SOX5: variants seen among roughly 807,000 people sequenced by gnomAD.
The protein encoded by SOX5 is transcription factor SOX-5.
Under a neutral mutation model 92.0 loss-of-function variants are expected in SOX5, and 9 were observed. The observed-to-expected ratio is 0.10, with a 90% confidence interval of 0.06 to 0.17. SOX5 has a LOEUF of 0.17. Among genes scored for constraint, SOX5 ranks in the 10% least tolerant of loss-of-function variants. SOX5 has a pLI of 1.00. For synonymous variants in SOX5, 344 were observed against 336.3 expected, an observed-to-expected ratio of 1.02 and a Z score of -0.25; for missense variants, 642 against 944.5, an observed-to-expected ratio of 0.68 and a Z score of 4.20.
At chr12:24,256,354 T>C (rs774442888) in intron 3 of SOX5, among the ~76,000 whole-genome samples, 3 of 152,278 alleles carry the variant, frequency 2.0e-5, no homozygotes, top group Non-Finnish European at 4.4e-5. Flanking sequence ...AAAAATTCTT[T>C]CTCTAATTTT....
At chr12:24,305,614 T>C (rs998583098) in intron 2 of SOX5, among the ~76,000 whole-genome samples, 2 of 152,216 alleles carry the variant, frequency 1.3e-5, no homozygotes, top group Admixed American at 1.3e-4. Context: ...TGGTTTTTTT[T>C]GGAGACAGAG....
At chr12:24,345,728 T>A (rs892256426) in intron 2 of SOX5, among the ~76,000 whole-genome samples, 1 of 152,214 alleles carries the variant, frequency 6.6e-6, no homozygotes, top group African/African-American at 2.4e-5. Flanking sequence ...AAATACTATT[T>A]TCTTCCATGT....
intron 4 of SOX5, among the ~76,000 whole-genome samples, chr12:23,968,382 A>G (rs913069502): frequency 6.6e-6 from 1 of 152,180 alleles, no homozygotes; most frequent in African/African-American, 2.4e-5. Flanking sequence ...ATGTCCCCCA[A>G]AGTTCACATG....
At chr12:24,063,203 A>T (rs1940065947) in intron 4 of SOX5, among the ~76,000 whole-genome samples, 2 of 152,178 alleles carry the variant, frequency 1.3e-5, no homozygotes, top group Admixed American at 6.5e-5. Context: ...ATAGACCCTT[A>T]TTCACATCTC....
At chr12:23,550,923 C>T (rs1944078746) in intron 11 of SOX5, among the ~76,000 whole-genome samples, 1 of 151,938 alleles carries the variant, frequency 6.6e-6, no homozygotes, top group Admixed American at 6.6e-5. Flanking sequence ...TTACCTAATC[C>T]TAAATTAAAC....
chr12:23,989,030 G>C (rs1407467246), intron 4 of SOX5, among the ~76,000 whole-genome samples: 1 of 152,054 alleles, frequency 6.6e-6, no homozygotes, highest in Non-Finnish European at 1.5e-5. Flanking sequence ...TGTTATTTCA[G>C]ATGTAGAATA....
intron 3 of SOX5, among the ~76,000 whole-genome samples, chr12:23,835,029 A>G (rs2096389683): frequency 6.6e-6 from 1 of 151,844 alleles, no homozygotes. Context: ...AATTAGCCTA[A>G]AGTTTGAATG....
intron 3 of SOX5, among the ~76,000 whole-genome samples, chr12:24,268,329 G>A (rs1943274499): frequency 6.6e-6 from 1 of 152,082 alleles, no homozygotes; most frequent in African/African-American, 2.4e-5. Flanking sequence ...TAAGGGTATG[G>A]TAGCATTAGA....
chr12:24,543,376 A>G (rs1036955625), intron 1 of SOX5, among the ~76,000 whole-genome samples: 1 of 152,262 alleles, frequency 6.6e-6, no homozygotes, highest in African/African-American at 2.4e-5. Context: ...AACGCTGTTT[A>G]TTTTAAATTA....
chr12:24,043,641 A>G (rs1177329828), intron 4 of SOX5, among the ~76,000 whole-genome samples: 2 of 152,198 alleles, frequency 1.3e-5, no homozygotes, highest in Admixed American at 1.3e-4. Flanking sequence ...TTAGTATCCT[A>G]ACAAGACACA....
intron 2 of SOX5, among the ~76,000 whole-genome samples, chr12:23,891,770 A>G (rs920589228): frequency 6.6e-6 from 1 of 152,210 alleles, no homozygotes; most frequent in Non-Finnish European, 1.5e-5. Flanking sequence ...AAAAAGAGAA[A>G]TTATTTATAT....
At position 23,663,397 on chromosome 12, in the gene SOX5, G is replaced by T. The variant is rs76208039; in HGVS notation, c.931+2047C>A. Among the ~76,000 whole-genome samples the T allele has an allele frequency of 5.5e-3, 833 of 152,210 alleles. 3 individuals carry two copies. The highest frequency in any genetic ancestry group is 0.019 in the African/African-American group (788 of 41,528). ...GTTACATTAACACTCAACAAATTTAGTATGCCAACTCTGTCAAATGAGAGT... is the reference window on the plus strand; with the variant it reads ...GTTACATTAACACTCAACAAATTTATTATGCCAACTCTGTCAAATGAGAGT... On this transcript the variant is annotated intron_variant, in intron 7 of 14. Transcript: ENST00000451604.
chr12:24,388,526 T>C (rs1177332308), intron 1 of SOX5, among the ~76,000 whole-genome samples: 1 of 152,082 alleles, frequency 6.6e-6, no homozygotes, highest in African/African-American at 2.4e-5. Context: ...GGCCCAGGGG[T>C]GGTGACAACA....
intron 3 of SOX5, among the ~76,000 whole-genome samples, chr12:24,250,616 C>A (rs1939831102): frequency 6.6e-6 from 1 of 152,144 alleles, no homozygotes. Context: ...TCAAAAAGCT[C>A]AACAAAGAAT....
In SOX5 at chr12:23,548,292, C is replaced by T. The variant is rs190807686; in HGVS notation, c.1489-1868G>A. 1.3e-3 allele frequency among the ~76,000 whole-genome samples: 194 copies of T among 152,182 alleles called. 3 individuals carry two copies. The highest frequency in any genetic ancestry group is 6.8e-3 in the Middle Eastern group (2 of 294). On this transcript the variant is annotated intron_variant, in intron 11 of 14. Coordinates refer to ENST00000451604, the MANE Select transcript of SOX5 (RefSeq NM_006940.6). ...TGAGTTCAGCTCTACAGATGCTGTGCTGTCTTACCAAGAGACTAAAATTAA... is the reference window on the plus strand; with the variant it reads ...TGAGTTCAGCTCTACAGATGCTGTGTTGTCTTACCAAGAGACTAAAATTAA...
chr12:23,922,701 A>G (rs910985649), intron 1 of SOX5, among the ~76,000 whole-genome samples: 6 of 152,254 alleles, frequency 3.9e-5, no homozygotes, highest in Non-Finnish European at 8.8e-5. Context: ...TTCAAGTGCT[A>G]TTAAATCTAT....
chr12:24,215,936 C>A (rs1959136688), intron 3 of SOX5, among the ~76,000 whole-genome samples: 1 of 152,242 alleles, frequency 6.6e-6, no homozygotes, highest in South Asian at 2.1e-4. Flanking sequence ...ATTGAGAGTA[C>A]AGAAATAAAC....
intron 4 of SOX5, among the ~76,000 whole-genome samples, chr12:23,991,340 AC>A (rs1240384195): frequency 6.6e-6 from 1 of 151,464 alleles, no homozygotes; most frequent in Non-Finnish European, 1.5e-5. Flanking sequence ...AACAACAACA[AC>A]AAAAAAAATA....
chr12:24,046,936 C>T (rs1858095313), intron 4 of SOX5, among the ~76,000 whole-genome samples: 1 of 152,144 alleles, frequency 6.6e-6, no homozygotes, highest in African/African-American at 2.4e-5. Context: ...ATCCACCTGC[C>T]TCAGCCTCCC....
Sources: gnomAD v4.1 joint callset for allele counts (sites outside exome capture counted in the v4.1 genomes callset) on GRCh38, gnomAD v4.1.1 for gene constraint, MANE v1.5 for transcripts, NCBI Gene and HGNC (gene_info 2026-07-23, HGNC 2026-07-21) for gene names.